The following NFATC1 variants were observed in gnomAD, a reference collection of about 807,000 sequenced individuals.
NFATC1 encodes the protein nuclear factor of activated T cells 1.
In NFATC1, 22 loss-of-function variants were observed where a neutral mutation model predicts 76.0. The observed-to-expected ratio is 0.29, with a 90% confidence interval of 0.21 to 0.41. The LOEUF is 0.41. Among genes scored for constraint, NFATC1 ranks in the 10% least tolerant of loss-of-function variants. The pLI is 1.00. For synonymous variants in NFATC1, 704 were observed against 613.1 expected (o/e 1.15, Z -2.19); for missense variants, 1,357 against 1,337.7 (o/e 1.01, Z -0.23).
At chr18:79,405,862 G>A (rs998823430) in intron 1 of NFATC1, among the ~76,000 whole-genome samples, 21 of 152,250 alleles carry the variant, frequency 1.4e-4, no homozygotes, top group African/African-American at 4.8e-4. Flanking sequence ...CCAGGCGTCC[G>A]TGGGCCTCTG....
intron 9 of NFATC1, among the ~76,000 whole-genome samples, chr18:79,503,180 A>G (rs1416099398): frequency 2.0e-5 from 3 of 152,170 alleles, no homozygotes; most frequent in Non-Finnish European, 4.4e-5. Context: ...GAACCTGGAA[A>G]CCCTCATGCT....
intron 2 of NFATC1, 111 bp from the exon 3 acceptor site, chr18:79,433,468 C>T: frequency 1.6e-6 from 2 of 1,267,130 alleles, no homozygotes; most frequent in African/African-American, 1.5e-5. Context: ...TCAGGACGTG[C>T]ACTCGCCGAT....
intron 3 of NFATC1, chr18:79,448,542 G>A (rs2087316293): frequency 3.6e-6 from 2 of 561,822 alleles, no homozygotes; most frequent in East Asian, 3.0e-5. Context: ...CAGCAAGTGT[G>A]GATGCATACG....
At chr18:79,451,343 C>T (rs2087465034) in intron 5 of NFATC1, among the ~76,000 whole-genome samples, 1 of 152,276 alleles carries the variant, frequency 6.6e-6, no homozygotes, top group Non-Finnish European at 1.5e-5. Flanking sequence ...CCTCTGATGG[C>T]TGAGCATGGC....
chr18:79,472,430 C>T (rs2088825513), intron 8 of NFATC1, among the ~76,000 whole-genome samples: 1 of 152,234 alleles, frequency 6.6e-6, no homozygotes, highest in African/African-American at 2.4e-5. Flanking sequence ...AGCCCGGCAG[C>T]CTCTCCTTCC....
In NFATC1 at chr18:79,479,835, G is replaced by A. The variant is rs1427786585; in HGVS notation, c.2093-6413G>A. 4.6e-5 allele frequency among the ~76,000 whole-genome samples: 7 copies of A among 152,362 alleles called. No homozygotes were observed. The East Asian group carries it at 1.4e-3, about 29-fold the overall frequency. The stretch of plus-strand genomic sequence containing the variant: ...CCTTAGGGCAAGGACAGGGAGATGG[G>A]GCAGTCGCCTGGGGAAGGCCCGGTC... On this transcript the variant is annotated intron_variant, in intron 8 of 9. Coordinates refer to ENST00000427363, the MANE Select transcript of NFATC1 (RefSeq NM_001278669.2).
chr18:79,400,403 G>A, intron 1 of NFATC1: 2 of 1,492,000 alleles, frequency 1.3e-6, no homozygotes, highest in South Asian at 1.3e-5. Context: ...TGACGGGGCT[G>A]GAGGACCAGG....
At chr18:79,449,853 C>CGG (rs890682628) in intron 4 of NFATC1, among the ~76,000 whole-genome samples, 1 of 152,006 alleles carries the variant, frequency 6.6e-6, no homozygotes, top group South Asian at 2.1e-4. Flanking sequence ...GAGATGGCGG[C>CGG]GGGGGGCCAC....
At chr18:79,461,775 G>T (rs774987243) in intron 7 of NFATC1, among the ~76,000 whole-genome samples, 5 of 152,180 alleles carry the variant, frequency 3.3e-5, no homozygotes, top group African/African-American at 7.2e-5. Flanking sequence ...GAGTTCCCGG[G>T]GGGTGGTCAG....
intron 9 of NFATC1, among the ~76,000 whole-genome samples, chr18:79,488,993 G>A (rs2089601215): frequency 6.6e-6 from 1 of 152,206 alleles, no homozygotes; most frequent in African/African-American, 2.4e-5. Context: ...TGGGGGCTGG[G>A]ACGTGTTCTG....
intron 6 of NFATC1, among the ~76,000 whole-genome samples, chr18:79,456,755 C>T (rs912447389): frequency 3.3e-5 from 5 of 152,074 alleles, no homozygotes; most frequent in Admixed American, 6.5e-5. Flanking sequence ...CTGTTTTAGT[C>T]GTGCGGGATG....
chr18:79,513,811 G>A (rs1178988129), intron 9 of NFATC1, among the ~76,000 whole-genome samples: 1 of 152,238 alleles, frequency 6.6e-6, no homozygotes, highest in Non-Finnish European at 1.5e-5. Flanking sequence ...ATGAGGGGAG[G>A]TGCGTGGCGT....
chr18:79,449,019 G>A, intron 4 of NFATC1, 35 bp downstream of exon 4: 1 of 1,603,096 alleles, frequency 6.2e-7, no homozygotes, highest in Non-Finnish European at 8.5e-7. Context: ...TCTGGCAGGG[G>A]GCGGTAGGAG....
chr18:79,457,568 TATG>T lies in NFATC1; in HGVS notation c.1904-3740_1904-3738del, dbSNP rs1236324553. Among the ~76,000 whole-genome samples the T allele has an allele frequency of 2.6e-5, 4 of 152,316 alleles. No homozygotes were observed. In the South Asian group the frequency reaches 6.2e-4, roughly 24 times the overall value. ...CTTTTTTATATCAGCTTTATCGAAA[TATG>T]ATCTATACACCATTTAATTCACTCA... On this transcript the variant is annotated intron_variant, in intron 6 of 9. Transcript: ENST00000427363.
chr18:79,470,024 T>C (rs779350877), intron 8 of NFATC1: 7 of 985,214 alleles, frequency 7.1e-6, no homozygotes, highest in Non-Finnish European at 8.4e-6. Flanking sequence ...CACCCAGGTA[T>C]CCGTGTTCCG....
intron 3 of NFATC1, among the ~76,000 whole-genome samples, chr18:79,434,827 G>A (rs1391960498): frequency 6.6e-6 from 1 of 152,258 alleles, no homozygotes; most frequent in Non-Finnish European, 1.5e-5. Context: ...CAGGGCGCTG[G>A]GGTGAGGCGT....
rs113736099 is a variant in NFATC1 at position 79,467,591 on chromosome 18, A to G, written c.2092+9A>G. ...CTACCTTCCCGCCAACGGTAACGCC[A>G]TCTTTCTAACCGTAAGCCGTGAACA... On this transcript the variant is annotated intron_variant, in intron 8 of 9. Transcript: ENST00000427363. The G allele has an allele frequency of 5.6e-6, 9 of 1,613,712 alleles. No individual in the cohort carries two copies. The highest frequency in any genetic ancestry group is 6.8e-6 in the Non-Finnish European group (8 of 1,179,910).
intron 1 of NFATC1, among the ~76,000 whole-genome samples, chr18:79,396,683 AG>A (rs1415091117): frequency 2.0e-5 from 3 of 152,172 alleles, no homozygotes; most frequent in Non-Finnish European, 4.4e-5. Context: ...AGGACCACAG[AG>A]GGCACGTGGG....
intron 1 of NFATC1, chr18:79,402,425 C>T (rs2085299242): frequency 1.0e-6 from 1 of 980,956 alleles, no homozygotes; most frequent in Non-Finnish European, 1.2e-6. Flanking sequence ...GCTCATTCCC[C>T]CAAAACACTC....
Sources: allele counts gnomAD v4.1 joint callset (sites outside exome capture counted in the v4.1 genomes callset), GRCh38; gene constraint gnomAD v4.1.1; transcripts MANE v1.5; gene names NCBI Gene and HGNC (gene_info 2026-07-23, HGNC 2026-07-21).